TRAP1: variants seen among roughly 807,000 people sequenced by gnomAD.
TRAP1 encodes the protein TNF receptor associated protein 1, also known as heat shock protein 75 kDa, mitochondrial.
Under a neutral mutation model 89.1 loss-of-function variants are expected in TRAP1, and 102 were observed. That is an observed-to-expected ratio of 1.15 (90% CI 0.98 to 1.35). The LOEUF (loss-of-function observed/expected upper bound fraction) is 1.35, where lower values mean the gene tolerates loss of function less well. TRAP1 is among the 40% of genes most tolerant of loss of function. The pLI, the probability that TRAP1 is intolerant of heterozygous loss-of-function variation, is 0.00. For missense variants in TRAP1, 1,256 were observed against 945.3 expected (o/e 1.33, Z -4.31); for synonymous variants, 508 against 388.0 (o/e 1.31, Z -3.64).
intron 1 of TRAP1, among the ~76,000 whole-genome samples, chr16:3,705,052 C>T (rs988204161): frequency 2.0e-5 from 3 of 152,004 alleles, no homozygotes; most frequent in Admixed American, 1.3e-4. Context: ...TGTACAGCCA[C>T]GACCACTAAC....
intron 1 of TRAP1, chr16:3,704,356 G>A (rs532405037): frequency 1.3e-5 from 2 of 152,148 alleles, no homozygotes; most frequent in East Asian, 3.9e-4. Context: ...CAAACAAAAC[G>A]TTGCATTATA....
At chr16:3,683,587 T>C (rs908479407) in intron 4 of TRAP1, among the ~76,000 whole-genome samples, 1 of 151,552 alleles carries the variant, frequency 6.6e-6, no homozygotes, top group Non-Finnish European at 1.5e-5. Flanking sequence ...GGTTTCACCG[T>C]GCTGGCCAGG....
chr16:3,695,169 A>G (rs2051269337), intron 1 of TRAP1, among the ~76,000 whole-genome samples: 2 of 152,176 alleles, frequency 1.3e-5, no homozygotes, highest in Admixed American at 1.3e-4. Flanking sequence ...ATTTCCAAAT[A>G]TGGTCACATT....
At chr16:3,710,872 TATATA>T (rs2051519897) in intron 1 of TRAP1, among the ~76,000 whole-genome samples, 7 of 114,674 alleles carry the variant, frequency 6.1e-5, no homozygotes, top group East Asian at 3.0e-4. Flanking sequence ...TATATATATA[TATATA>T]TATTTTTTTT....
intron 13 of TRAP1, 96 bp from the exon 14 acceptor site, chr16:3,663,658 CG>C: frequency 6.6e-7 from 1 of 1,520,986 alleles, no homozygotes; most frequent in Non-Finnish European, 8.9e-7. Context: ...GGGAGCCAAG[CG>C]GGCCACACTG....
intron 12 of TRAP1, chr16:3,664,757 G>C: frequency 5.6e-6 from 2 of 360,146 alleles, no homozygotes; most frequent in Non-Finnish European, 1.0e-5. Flanking sequence ...AGCAGAGCCC[G>C]GCCTGGACCC....
intron 10 of TRAP1, among the ~76,000 whole-genome samples, chr16:3,672,186 A>G (rs1042758115): frequency 1.3e-5 from 2 of 152,014 alleles, no homozygotes; most frequent in African/African-American, 4.8e-5. Flanking sequence ...AAATACAAAA[A>G]TTAGCCGGGT....
At chr16:3,708,603 C>T (rs1001333951) in intron 1 of TRAP1, among the ~76,000 whole-genome samples, 41 of 151,986 alleles carry the variant, frequency 2.7e-4, no homozygotes, top group Non-Finnish European at 5.3e-4. Context: ...TACCACTGCA[C>T]TCCAGCCTGG....
intron 1 of TRAP1, among the ~76,000 whole-genome samples, chr16:3,701,970 G>A (rs2051371688): frequency 1.3e-5 from 2 of 152,152 alleles, no homozygotes; most frequent in African/African-American, 4.8e-5. Flanking sequence ...CAGCACTTTG[G>A]GAGGCCAAGG....
Position 3,685,992 on chromosome 16 carries a change from G to T in TRAP1, c.471+4C>A. On this transcript the variant is annotated splice_donor_region_variant and intron_variant, in intron 4 of 17. Transcript: ENST00000246957. Reference sequence around the variant, plus strand: ...GCCACACGCCTGGACACTGAGGGAGGTACCTGGATGGTGATGGTGCCTTTC... The same window carrying T: ...GCCACACGCCTGGACACTGAGGGAGTTACCTGGATGGTGATGGTGCCTTTC... 6.2e-7 allele frequency: 1 copy of T among 1,613,650 alleles called. No individual in the cohort carries two copies. The highest frequency in any genetic ancestry group is 2.2e-5 in the East Asian group (1 of 44,860).
intron 1 of TRAP1, among the ~76,000 whole-genome samples, chr16:3,714,149 T>G (rs939629874): frequency 6.6e-6 from 1 of 152,150 alleles, no homozygotes; most frequent in African/African-American, 2.4e-5. Flanking sequence ...AAACTTACCC[T>G]GGGGCAAGCA....
intron 6 of TRAP1, chr16:3,676,695 A>G (rs769185363): frequency 6.6e-6 from 1 of 152,650 alleles, no homozygotes; most frequent in Non-Finnish European, 1.5e-5. Flanking sequence ...CAGTGCACAC[A>G]CTGTGGAGCA....
intron 1 of TRAP1, 106 bp downstream of exon 1, chr16:3,717,315 C>A: frequency 2.5e-6 from 1 of 402,664 alleles, no homozygotes; most frequent in Admixed American, 4.7e-5. Flanking sequence ...GGACCTCCCA[C>A]GCCTGTGAAG....
intron 11 of TRAP1, among the ~76,000 whole-genome samples, chr16:3,670,476 G>C (rs1054936607): frequency 8.6e-5 from 13 of 151,380 alleles, no homozygotes; most frequent in Admixed American, 8.6e-4. Flanking sequence ...TGAGGCCAAA[G>C]GATCGCTTGA....
chr16:3,673,785 G>C lies in TRAP1; in HGVS notation c.1044+554C>G, dbSNP rs138202802. On this transcript the variant is annotated intron_variant, in intron 9 of 17. Coordinates refer to ENST00000246957, the MANE Select transcript of TRAP1 (RefSeq NM_016292.3). ...CTCAGCCCCGAATAGGTCTCCTTAC[G>C]GCAGGATTTGCGGGAACTTCAATGT... 9.7e-4 allele frequency among the ~76,000 whole-genome samples: 148 copies of C among 152,284 alleles called. 1 individual carries two copies. Among genetic ancestry groups the C allele is most frequent in the African/African-American group, 3.3e-3 (138 of 41,556 alleles).
At position 3,664,407 on chromosome 16, in the gene TRAP1, TGCCCGGAG is replaced by T; in HGVS notation, c.1428_1435del (p.Ser477AlafsTer36). 6.2e-7 allele frequency: 1 copy of T among 1,611,340 alleles called. No individual in the cohort carries two copies. On this transcript the variant is annotated frameshift_variant, in exon 13 of 18. Coordinates refer to ENST00000246957, the MANE Select transcript of TRAP1 (RefSeq NM_016292.3). LOFTEE classifies it high-confidence loss of function. ...GGCGTATTCTGAGAGGCTGGTTAGC[TGCCCGGAG>T]GGCAGCGCCGAGGACTCGTAGCGCA...
At chr16:3,692,006 G>A (rs1376764601) in intron 1 of TRAP1, among the ~76,000 whole-genome samples, 1 of 152,106 alleles carries the variant, frequency 6.6e-6, no homozygotes, top group Non-Finnish European at 1.5e-5. Context: ...ACACAGGACT[G>A]GACCGACCCA....
chr16:3,705,694 T>C (rs2051433165), intron 1 of TRAP1, among the ~76,000 whole-genome samples: 1 of 152,154 alleles, frequency 6.6e-6, no homozygotes, highest in South Asian at 2.1e-4. Flanking sequence ...TCCAAATTTT[T>C]TGTGAGACAG....
intron 1 of TRAP1, among the ~76,000 whole-genome samples, chr16:3,708,148 G>C (rs1210050805): frequency 6.6e-6 from 1 of 151,372 alleles, no homozygotes; most frequent in African/African-American, 2.4e-5. Flanking sequence ...CAGCGAGCCA[G>C]GATCGCACAA....
Sources: allele counts gnomAD v4.1 joint callset (sites outside exome capture counted in the v4.1 genomes callset), GRCh38; gene constraint gnomAD v4.1.1; transcripts MANE v1.5; gene names NCBI Gene and HGNC (gene_info 2026-07-23, HGNC 2026-07-21).